Variants in PLN observed in about 807,000 individuals in gnomAD.
PLN encodes the protein cardiac phospholamban.
PLN carries 1 observed loss-of-function variant against 3.9 expected under a neutral mutation model. The ratio of observed to expected loss-of-function variants is 0.26; its 90% CI spans 0.09 to 1.23. The LOEUF (loss-of-function observed/expected upper bound fraction) is 1.23, where lower values mean the gene tolerates loss of function less well. Among genes scored for constraint, PLN ranks in the 50% most tolerant of loss-of-function variants. PLN has a pLI of 0.48. For synonymous variants in PLN, 21 were observed against 20.5 expected, an observed-to-expected ratio of 1.02 and a Z score of -0.07; for missense variants, 59 against 62.7, an observed-to-expected ratio of 0.94 and a Z score of 0.20.
chr6:118,553,537 G>A (rs928843718), intron 1 of PLN, among the ~76,000 whole-genome samples: 2 of 152,140 alleles, frequency 1.3e-5, no homozygotes, highest in African/African-American at 4.8e-5. Flanking sequence ...ATTTTAGCGT[G>A]TAAAGCAGAT....
chr6:118,555,983 A>G (rs558104959), intron 1 of PLN, among the ~76,000 whole-genome samples: 73 of 152,192 alleles, frequency 4.8e-4, no homozygotes, highest in Non-Finnish European at 1.0e-3. Flanking sequence ...ACATGATATC[A>G]TTCTTTTTTA....
rs954869781 is a variant in PLN, at chr6:118,560,428, A to T, written c.*1348A>T. On this transcript the variant is annotated 3_prime_UTR_variant, in exon 2 of 2. Transcript: ENST00000357525. ...ATTAAATGGAAGTGGGTCAACATAA[A>T]AGTCTTCATTCTCATTGTCTTCACA... 6.0e-6 allele frequency: 1 copy of T among 167,012 alleles called. No individual in the cohort carries two copies. Among genetic ancestry groups the T allele is most frequent in the African/African-American group, 2.4e-5 (1 of 41,456 alleles). 10.3% of individuals were successfully genotyped at this position (167,012 alleles called of 1,614,324 possible).
chr6:118,548,758 T>C (rs1456539659), intron 1 of PLN, among the ~76,000 whole-genome samples: 1 of 152,088 alleles, frequency 6.6e-6, no homozygotes, highest in East Asian at 1.9e-4. Context: ...GCAAAAACAA[T>C]GACTTAATTT....
chr6:118,557,293 A>AT (rs1778934507), intron 1 of PLN, among the ~76,000 whole-genome samples: 2 of 152,220 alleles, frequency 1.3e-5, no homozygotes, highest in African/African-American at 4.8e-5. Flanking sequence ...CTCTGGAGCT[A>AT]TTAATACAGT....
chr6:118,560,402 C>T lies in PLN; in HGVS notation c.*1322C>T, dbSNP rs904745767. On this transcript the variant is annotated 3_prime_UTR_variant, in exon 2 of 2. Transcript: ENST00000357525. The stretch of plus-strand genomic sequence containing the variant: ...AGAAAGAGAAAATATATTTACTATT[C>T]ATTAAATGGAAGTGGGTCAACATAA... 5 of 166,786 alleles carry T rather than the reference C, an allele frequency of 3.0e-5. No homozygotes were observed. The highest frequency in any genetic ancestry group is 5.9e-5 in the Non-Finnish European group (4 of 68,068). The allele number at this position is 166,786 out of a possible 1,614,324, so 10.3% of individuals were successfully genotyped here.
At chr6:118,548,419 G>A (rs1236205488) in intron 1 of PLN, 27 bp downstream of exon 1, 1 of 152,032 alleles carries the variant, frequency 6.6e-6, no homozygotes, top group Non-Finnish European at 1.5e-5. Flanking sequence ...GCTGACTTTG[G>A]TAATTCTTAC....
rs1299881297 is a variant in PLN at position 118,561,111 on chromosome 6, A to G, written c.*2031A>G. 6.6e-6 allele frequency among the ~76,000 whole-genome samples: 1 copy of G among 152,152 alleles called. No homozygotes were observed. Among genetic ancestry groups the G allele is most frequent in the African/African-American group, 2.4e-5 (1 of 41,434 alleles). On this transcript the variant is annotated 3_prime_UTR_variant, in exon 2 of 2. Coordinates refer to ENST00000357525, the MANE Select transcript of PLN (RefSeq NM_002667.5). The stretch of plus-strand genomic sequence containing the variant: ...AGAGATACTAGAGATGGGGAGTGGA[A>G]AGTGTTTGGTTCAGGGATATCTGAA...
chr6:118,558,763 T>C (rs757872085), intron 1 of PLN, 62 bp from the exon 2 acceptor site: 14 of 669,532 alleles, frequency 2.1e-5, no homozygotes, highest in African/African-American at 3.6e-5. Flanking sequence ...AAAATTGTAT[T>C]TTTTGTTCTG....
chr6:118,552,635 A>T lies in PLN; in HGVS notation c.-98+4243A>T, dbSNP rs1456214558. ...ATTTCCTTCTTCCACCTCAAAAAAA[A>T]AACCAGAATACCATCTTGAACTTGA... is the stretch of plus-strand genomic sequence containing the variant. On this transcript the variant is annotated intron_variant, in intron 1 of 1. Coordinates refer to ENST00000357525, the MANE Select transcript of PLN (RefSeq NM_002667.5). 3.3e-5 allele frequency among the ~76,000 whole-genome samples: 5 copies of T among 152,238 alleles called. No individual in the cohort carries two copies. The East Asian group carries it at 9.6e-4, about 29-fold the overall frequency.
At chr6:118,558,366 A>G (rs1779000031) in intron 1 of PLN, among the ~76,000 whole-genome samples, 1 of 152,170 alleles carries the variant, frequency 6.6e-6, no homozygotes. Flanking sequence ...TTTTGTGACC[A>G]GAAATATGCT....
Position 118,558,836 on chromosome 6 carries a change from G to T in PLN, c.-86G>T. 1.1e-6 allele frequency: 1 copy of T among 901,768 alleles called. No homozygotes were observed. 55.9% of individuals were successfully genotyped at this position (901,768 alleles called of 1,614,324 possible). ...TTTTTACATTCCAGGCTACCTAAAA[G>T]AAGACAGTTATCTCATATTTGGCTG... On this transcript the variant is annotated 5_prime_UTR_variant, in exon 2 of 2. Transcript: ENST00000357525.
intron 1 of PLN, among the ~76,000 whole-genome samples, chr6:118,557,354 A>G (rs1169094792): frequency 6.6e-6 from 1 of 152,214 alleles, no homozygotes; most frequent in Non-Finnish European, 1.5e-5. Context: ...AAGAAACTAT[A>G]TGTTAGAACT....
intron 1 of PLN, among the ~76,000 whole-genome samples, chr6:118,551,245 T>A (rs958746430): frequency 6.6e-6 from 1 of 151,850 alleles, no homozygotes; most frequent in African/African-American, 2.4e-5. Context: ...GAAGCCTGGA[T>A]GTACAGCATA....
intron 1 of PLN, among the ~76,000 whole-genome samples, 177 bp from the exon 2 acceptor site, chr6:118,558,648 C>CAGAG (rs1407950940): frequency 7.3e-6 from 1 of 137,158 alleles, no homozygotes; most frequent in African/African-American, 3.2e-5. Flanking sequence ...CACACACACA[C>CAGAG]ACACACACAC....
At chr6:118,557,539 T>A (rs1279106387) in intron 1 of PLN, among the ~76,000 whole-genome samples, 2 of 152,126 alleles carry the variant, frequency 1.3e-5, no homozygotes, top group Non-Finnish European at 2.9e-5. Flanking sequence ...ACAGTGCACA[T>A]TAGGTTCACT....
At position 118,560,088 on chromosome 6, in the gene PLN, A is replaced by T. The variant is rs548206730; in HGVS notation, c.*1008A>T. On this transcript the variant is annotated 3_prime_UTR_variant, in exon 2 of 2. Coordinates refer to ENST00000357525, the MANE Select transcript of PLN (RefSeq NM_002667.5). ...AAATATATTATCTCAAGTATTTTTT[A>T]AAAATATATGAATTCTCTCTCCAAA... 1.8e-5 allele frequency: 3 copies of T among 167,182 alleles called. No individual in the cohort carries two copies. Among genetic ancestry groups the T allele is most frequent in the African/African-American group, 4.8e-5 (2 of 41,564 alleles). 10.4% of individuals were successfully genotyped at this position (167,182 alleles called of 1,614,324 possible).
intron 1 of PLN, among the ~76,000 whole-genome samples, chr6:118,549,768 T>C (rs571300001): frequency 6.6e-6 from 1 of 151,964 alleles, no homozygotes; most frequent in Non-Finnish European, 1.5e-5. Flanking sequence ...TCAAATTGGG[T>C]GTTCACGAGT....
In PLN at chr6:118,549,274, G is replaced by A. The variant is rs144563292; in HGVS notation, c.-98+882G>A. ...CCAGTGGTACTCCATTTCCTCTCTCGGATTTAGAAAGAAAGGAAAAAATAA... is the reference window on the plus strand; with the variant it reads ...CCAGTGGTACTCCATTTCCTCTCTCAGATTTAGAAAGAAAGGAAAAAATAA... On this transcript the variant is annotated intron_variant, in intron 1 of 1. Transcript: ENST00000357525. 2.0e-4 allele frequency among the ~76,000 whole-genome samples: 30 copies of A among 151,572 alleles called. 1 individual carries two copies. The highest frequency in any genetic ancestry group is 4.0e-4 in the Non-Finnish European group (27 of 67,718).
At chr6:118,556,320 T>A (rs1042851634) in intron 1 of PLN, among the ~76,000 whole-genome samples, 1 of 152,156 alleles carries the variant, frequency 6.6e-6, no homozygotes, top group African/African-American at 2.4e-5. Context: ...TAATAACTCT[T>A]TAAGGAAAGA....
Sources: allele counts gnomAD v4.1 joint callset (sites outside exome capture counted in the v4.1 genomes callset), GRCh38; gene constraint gnomAD v4.1.1; transcripts MANE v1.5; gene names NCBI Gene and HGNC (gene_info 2026-07-23, HGNC 2026-07-21).